Variants in UPK3B observed in about 807,000 individuals in gnomAD.
UPK3B encodes the protein uroplakin 3B, also known as uroplakin-3b.
UPK3B carries 21 observed loss-of-function variants against 27.6 expected under a neutral mutation model. That is an observed-to-expected ratio of 0.76 (90% CI 0.54 to 1.10). The LOEUF (loss-of-function observed/expected upper bound fraction) is 1.10. UPK3B is among the 50% of genes least tolerant of loss of function. UPK3B has a pLI of 0.00. For synonymous variants in UPK3B, 141 were observed against 162.3 expected, an observed-to-expected ratio of 0.87 and a Z score of 1.00; for missense variants, 306 against 376.1, an observed-to-expected ratio of 0.81 and a Z score of 1.54.
Position 76,515,455 on chromosome 7 carries a change from G to GTCTCGT in UPK3B, c.*251_*252insTCTCGT. ...TTTAGGGGAGGGCCATGGGCAGGCTGGATACCCAGTCCCCACCTCCATCCC... is the reference window on the plus strand; with the variant it reads ...TTTAGGGGAGGGCCATGGGCAGGCTGTCTCGTGATACCCAGTCCCCACCTCCATCCC... On this transcript the variant is annotated 3_prime_UTR_variant, in exon 6 of 6. Coordinates refer to ENST00000334348, the MANE Select transcript of UPK3B (RefSeq NM_001347684.2). 2.3e-6 allele frequency: 2 copies of GTCTCGT among 873,614 alleles called. No individual in the cohort carries two copies. The highest frequency in any genetic ancestry group is 2.9e-6 in the Non-Finnish European group (2 of 688,844). 54.1% of individuals were successfully genotyped at this position (873,614 alleles called of 1,614,324 possible). A position where few individuals can be genotyped will look rare whatever the true frequency, so the allele number is the denominator to read the frequency against.
At position 76,515,201 on chromosome 7, in the gene UPK3B, C is replaced by A. The variant is rs866214080; in HGVS notation, c.828C>A (p.Pro276=). The A allele has an allele frequency of 1.9e-6, 3 of 1,593,380 alleles. No individual in the cohort carries two copies. Among genetic ancestry groups the A allele is most frequent in the Middle Eastern group, 1.7e-4 (1 of 6,040 alleles). The part of the protein sequence containing the change: ...PGLDPLPSLS[P] ...TGGACCCCCTCCCCAGCCTCAGCCC[C>A]TAGCCTGGCCTCTTTGCATGGGGCT... The change falls in exon 6 of 6, where the codon CCC becomes CCA. Residue 276 remains proline, a synonymous_variant. Coordinates refer to ENST00000334348, the MANE Select transcript of UPK3B (RefSeq NM_001347684.2).
intron 5 of UPK3B, among the ~76,000 whole-genome samples, chr7:76,514,706 G>T (rs559832874): frequency 1.3e-5 from 2 of 152,198 alleles, no homozygotes; most frequent in Admixed American, 1.3e-4. Flanking sequence ...AAAAGTTCAA[G>T]ACCAGCCTGA....
rs1812648788 is a variant in UPK3B at position 76,514,212 on chromosome 7, C to T, written c.671+136C>T. The T allele has an allele frequency of 8.0e-6, 11 of 1,380,866 alleles. No individual in the cohort carries two copies. The South Asian group carries it at 1.4e-4, about 18-fold the overall frequency. The allele number at this position is 1,380,866 out of a possible 1,614,324, so 85.5% of individuals were successfully genotyped here. On this transcript the variant is annotated intron_variant, in intron 5 of 5. Coordinates refer to ENST00000334348, the MANE Select transcript of UPK3B (RefSeq NM_001347684.2). ...GTAGAGACAGGGACTTGCTATGTTG[C>T]CCAGGCTGGTCTGGAACTGCTGGGC...
chr7:76,515,349 C>T lies in UPK3B; in HGVS notation c.*145C>T. On this transcript the variant is annotated 3_prime_UTR_variant, in exon 6 of 6. Transcript: ENST00000334348. Reference sequence around the variant, plus strand: ...CACACCCCGTACCCTGCCTGGAATCCCAGCACCAGCCCCCCTGCCTCTCCT... The same window carrying T: ...CACACCCCGTACCCTGCCTGGAATCTCAGCACCAGCCCCCCTGCCTCTCCT... The T allele has an allele frequency of 6.7e-7, 1 of 1,498,784 alleles. No individual in the cohort carries two copies. Among genetic ancestry groups the T allele is most frequent in the Non-Finnish European group, 8.9e-7 (1 of 1,124,434 alleles). The allele number at this position is 1,498,784 out of a possible 1,614,324, so 92.8% of individuals were successfully genotyped here. A position where few individuals can be genotyped will look rare whatever the true frequency, so the allele number is the denominator to read the frequency against.
In UPK3B at chr7:76,510,747, G is replaced by T. The variant is rs764421327; in HGVS notation, c.85+10G>T. 1 of 1,531,158 alleles carries T rather than the reference G, an allele frequency of 6.5e-7. No homozygotes were observed. The highest frequency in any genetic ancestry group is 8.8e-7 in the Non-Finnish European group (1 of 1,137,376). 94.8% of individuals were successfully genotyped at this position (1,531,158 alleles called of 1,614,324 possible). A position where few individuals can be genotyped will look rare whatever the true frequency, so the allele number is the denominator to read the frequency against. ...CCCAGCCTGAGCCTGGGTGAGTGGG[G>T]GTCCTGGATGGACGCGTCCAGCCAG... is the stretch of plus-strand genomic sequence containing the variant. On this transcript the variant is annotated intron_variant, in intron 1 of 5. Coordinates refer to ENST00000334348, the MANE Select transcript of UPK3B (RefSeq NM_001347684.2).
chr7:76,514,519 G>A (rs1226537252), intron 5 of UPK3B, among the ~76,000 whole-genome samples: 4 of 152,208 alleles, frequency 2.6e-5, no homozygotes, highest in African/African-American at 4.8e-5. Flanking sequence ...GGATCCTCTG[G>A]TGGTTTAGTA....
chr7:76,513,007 C>A, intron 3 of UPK3B, 77 bp from the exon 4 acceptor site: 1 of 1,258,298 alleles, frequency 7.9e-7, no homozygotes, highest in Non-Finnish European at 1.1e-6. Flanking sequence ...AGAGGAGCTG[C>A]CTGGGGCTTG....
Position 76,515,342 on chromosome 7 carries a change from TGGAATC to T in UPK3B, c.*139_*144del. The T allele has an allele frequency of 6.7e-7, 1 of 1,500,964 alleles. No homozygotes were observed. Among genetic ancestry groups the T allele is most frequent in the Non-Finnish European group, 8.9e-7 (1 of 1,124,440 alleles). 93.0% of individuals were successfully genotyped at this position (1,500,964 alleles called of 1,614,324 possible). On this transcript the variant is annotated 3_prime_UTR_variant, in exon 6 of 6. Coordinates refer to ENST00000334348, the MANE Select transcript of UPK3B (RefSeq NM_001347684.2). ...CCACCAGCACACCCCGTACCCTGCC[TGGAATC>T]CCAGCACCAGCCCCCCTGCCTCTCC...
Position 76,513,991 on chromosome 7 carries a change from G to A in UPK3B, c.586G>A (p.Gly196Ser), listed in dbSNP as rs771770238. The A allele has an allele frequency of 1.2e-6, 2 of 1,613,928 alleles. No homozygotes were observed. Among genetic ancestry groups the A allele is most frequent in the Non-Finnish European group, 1.7e-6 (2 of 1,179,946 alleles). The change falls in exon 5 of 6, where the codon GGC becomes AGC. Residue 196 changes from glycine (G) to serine (S), a missense_variant. This residue lies in a region of UPK3B where 174 missense variants were observed against 166.6 expected (regional missense o/e 1.04). Transcript: ENST00000334348. Reference sequence around the variant, plus strand: ...CGACACCTGGCCAGGGCGGCGAAGTGGCAGCATGATCGTCATTACCTCCAT... The same window carrying A: ...CGACACCTGGCCAGGGCGGCGAAGTAGCAGCATGATCGTCATTACCTCCAT... Reference protein sequence around the residue: ...SIDTWPGRRSGSMIVITSILS... With the variant: ...SIDTWPGRRSSSMIVITSILS...
At chr7:76,512,288 G>A (rs1812559770) in intron 3 of UPK3B, among the ~76,000 whole-genome samples, 1 of 149,796 alleles carries the variant, frequency 6.7e-6, no homozygotes, top group Non-Finnish European at 1.5e-5. Context: ...AGGCACAGGA[G>A]GTCAAGTGGC....
Position 76,515,420 on chromosome 7 carries a change from C to A in UPK3B, c.*216C>A. The A allele has an allele frequency of 6.7e-7, 1 of 1,500,814 alleles. No individual in the cohort carries two copies. The highest frequency in any genetic ancestry group is 8.9e-7 in the Non-Finnish European group (1 of 1,128,570). 93.0% of individuals were successfully genotyped at this position (1,500,814 alleles called of 1,614,324 possible). A position where few individuals can be genotyped will look rare whatever the true frequency, so the allele number is the denominator to read the frequency against. ...CCTCTCCAAGCATCTGTAAGTTGCACTCAGGAGGGTTTAGGGGAGGGCCAT... is the reference window on the plus strand; with the variant it reads ...CCTCTCCAAGCATCTGTAAGTTGCAATCAGGAGGGTTTAGGGGAGGGCCAT... On this transcript the variant is annotated 3_prime_UTR_variant, in exon 6 of 6. Coordinates refer to ENST00000334348, the MANE Select transcript of UPK3B (RefSeq NM_001347684.2).
chr7:76,510,674 C>G lies in UPK3B; in HGVS notation c.22C>G (p.Pro8Ala), dbSNP rs767007506. 1.3e-6 allele frequency: 2 copies of G among 1,492,206 alleles called. No homozygotes were observed. Among genetic ancestry groups the G allele is most frequent in the Admixed American group, 2.3e-5 (1 of 43,690 alleles). The allele number at this position is 1,492,206 out of a possible 1,614,324, so 92.4% of individuals were successfully genotyped here. Residue 8 changes from proline to alanine, a missense_variant, in exon 1 of 6, where the codon CCT becomes GCT. By Grantham distance (27) the Pro-to-Ala change is conservative. Coordinates refer to ENST00000334348, the MANE Select transcript of UPK3B (RefSeq NM_001347684.2). ...TGTCATGGGGCTACCCTGGGGGCAGCCTCACCTAGGGCTGCAGATGCTCCT... is the reference window on the plus strand; with the variant it reads ...TGTCATGGGGCTACCCTGGGGGCAGGCTCACCTAGGGCTGCAGATGCTCCT... The part of the protein sequence containing the change: MGLPWGQ[P>A]HLGLQMLLLA...
At position 76,515,115 on chromosome 7, in the gene UPK3B, A is replaced by G. The variant is rs1459830584; in HGVS notation, c.742A>G (p.Met248Val). 1.2e-6 allele frequency: 2 copies of G among 1,601,864 alleles called. No homozygotes were observed. The highest frequency in any genetic ancestry group is 2.3e-5 in the East Asian group (1 of 44,346). Reference protein sequence around the residue: ...RIGSFMGKRYMTHHIPPREAA... With the variant: ...RIGSFMGKRYVTHHIPPREAA... The stretch of plus-strand genomic sequence containing the variant: ...CGGCTCCTTCATGGGCAAGCGCTAC[A>G]TGACCCACCACATCCCACCCAGAGA... Residue 248 changes from methionine (M) to valine (V), a missense_variant, in exon 6 of 6, where the codon ATG becomes GTG. Met to Val is a conservative substitution (Grantham distance 21). Transcript: ENST00000334348.
intron 4 of UPK3B, 64 bp downstream of exon 4, chr7:76,513,227 T>A: frequency 6.8e-7 from 1 of 1,471,068 alleles, no homozygotes; most frequent in Non-Finnish European, 9.4e-7. Context: ...CCGCCTCTGC[T>A]GAGCTGGCCA....
chr7:76,512,300 T>C (rs1432274986), intron 3 of UPK3B, among the ~76,000 whole-genome samples: 2 of 149,930 alleles, frequency 1.3e-5, no homozygotes, highest in African/African-American at 4.9e-5. Context: ...TCAAGTGGCC[T>C]GCCAACATCG....
At position 76,514,072 on chromosome 7, in the gene UPK3B, C is replaced by T. The variant is rs143479767; in HGVS notation, c.667C>T (p.Arg223Cys). The change falls in exon 5 of 6, where the codon CGC becomes TGC. Residue 223 changes from arginine (R) to cysteine (C), a missense_variant. Transcript: ENST00000334348. Reference protein sequence around the residue: ...LLAFLAASTMRFSSLWWPEEA... With the variant: ...LLAFLAASTMCFSSLWWPEEA... ...GGCCTTCTTGGCAGCCTCTACCATG[C>T]GCTTGTGAGTGGGGACACCCCCTCG... The T allele has an allele frequency of 1.0e-4, 169 of 1,614,008 alleles. No individual in the cohort carries two copies. The African/African-American group carries it at 1.8e-3, about 17-fold the overall frequency.
rs143366109 is a variant in UPK3B at position 76,515,187 on chromosome 7, C to T, written c.814C>T (p.Pro272Ser). 4.9e-5 allele frequency: 78 copies of T among 1,593,092 alleles called. No homozygotes were observed. The African/African-American group carries it at 1.0e-3, about 21-fold the overall frequency. The stretch of plus-strand genomic sequence containing the variant: ...CTGCAAGCCTGGCCTGGACCCCCTC[C>T]CCAGCCTCAGCCCCTAGCCTGGCCT... ...VGCKPGLDPL[P>S]SLSP Residue 272 changes from proline (P) to serine (S), a missense_variant, in exon 6 of 6, where the codon CCC becomes TCC. Coordinates refer to ENST00000334348, the MANE Select transcript of UPK3B (RefSeq NM_001347684.2).
At chr7:76,511,596 C>T in intron 2 of UPK3B, 61 bp from the exon 3 acceptor site, 3 of 1,390,040 alleles carry the variant, frequency 2.2e-6, no homozygotes, top group South Asian at 1.3e-5. Flanking sequence ...ACAGAACCCC[C>T]ACTCATAAGG....
intron 5 of UPK3B, 146 bp downstream of exon 5, chr7:76,514,222 T>C: frequency 7.6e-7 from 1 of 1,307,698 alleles, no homozygotes; most frequent in East Asian, 2.3e-5. Flanking sequence ...CCCAGGCTGG[T>C]CTGGAACTGC....
Sources: allele counts gnomAD v4.1 joint callset (sites outside exome capture counted in the v4.1 genomes callset), GRCh38; gene constraint gnomAD v4.1.1; regional missense constraint gnomAD v4.1.1; transcripts MANE v1.5; gene names NCBI Gene and HGNC (gene_info 2026-07-23, HGNC 2026-07-21).